Variants in GRIN3A observed in about 807,000 individuals in gnomAD.
GRIN3A encodes the protein glutamate receptor ionotropic, NMDA 3A.
GRIN3A carries 47 observed loss-of-function variants against 92.4 expected under a neutral mutation model. The ratio of observed to expected loss-of-function variants is 0.51; its 90% CI spans 0.40 to 0.65. GRIN3A has a LOEUF of 0.65. Among genes scored for constraint, GRIN3A ranks in the 30% least tolerant of loss-of-function variants. The pLI is 0.00. For missense variants in GRIN3A, 1,324 were observed against 1,393.1 expected (o/e 0.95, Z 0.79); for synonymous variants, 527 against 540.6 (o/e 0.97, Z 0.35).
At chr9:101,669,306 T>A (rs899253378) in intron 3 of GRIN3A, among the ~76,000 whole-genome samples, 3 of 152,134 alleles carry the variant, frequency 2.0e-5, no homozygotes, top group Non-Finnish European at 4.4e-5. Context: ...ATGGAATGGC[T>A]GTCCTTACCT....
At chr9:101,595,954 T>C (rs552089186) in intron 6 of GRIN3A, among the ~76,000 whole-genome samples, 1 of 152,236 alleles carries the variant, frequency 6.6e-6, no homozygotes, top group South Asian at 2.1e-4. Flanking sequence ...GTTCTTTCTG[T>C]TGAAGACTAA....
intron 3 of GRIN3A, among the ~76,000 whole-genome samples, chr9:101,660,491 A>T (rs1829158638): frequency 6.6e-6 from 1 of 151,768 alleles, no homozygotes; most frequent in Non-Finnish European, 1.5e-5. Context: ...CCAAATGGGG[A>T]GTTGCCATTT....
At chr9:101,718,313 G>A (rs187147390) in intron 1 of GRIN3A, among the ~76,000 whole-genome samples, 1 of 152,302 alleles carries the variant, frequency 6.6e-6, no homozygotes, top group East Asian at 1.9e-4. Context: ...GTCAATCATG[G>A]TAGGGAGAGA....
At chr9:101,712,421 C>A (rs770475687) in intron 1 of GRIN3A, among the ~76,000 whole-genome samples, 23 of 152,322 alleles carry the variant, frequency 1.5e-4, no homozygotes, top group Non-Finnish European at 2.8e-4. Flanking sequence ...CACTGTACTT[C>A]AGAGCTGCTT....
At position 101,686,933 on chromosome 9, in the gene GRIN3A, G is replaced by T; in HGVS notation, c.967C>A (p.Pro323Thr). The T allele has an allele frequency of 6.2e-7, 1 of 1,614,190 alleles. No individual in the cohort carries two copies. The highest frequency in any genetic ancestry group is 1.3e-5 in the African/African-American group (1 of 75,062). Residue 323 changes from proline to threonine, a missense_variant, in exon 2 of 9, where the codon CCC becomes ACC. Physicochemically the swap from Pro to Thr is conservative, Grantham distance 38. Coordinates refer to ENST00000361820, the MANE Select transcript of GRIN3A (RefSeq NM_133445.3). ...IQLESIKNST[P>T]TVVMFGCDME... ...TCGCAGCCAAACATCACCACTGTGGGTGTGCTGTTCTTAATACTCTCAAGC... is the reference window on the plus strand; with the variant it reads ...TCGCAGCCAAACATCACCACTGTGGTTGTGCTGTTCTTAATACTCTCAAGC...
intron 5 of GRIN3A, among the ~76,000 whole-genome samples, chr9:101,614,014 A>G (rs931563947): frequency 1.3e-5 from 2 of 152,218 alleles, no homozygotes; most frequent in Non-Finnish European, 1.5e-5. Context: ...AACCATGTGA[A>G]TAAACAATAC....
rs1050796868 is a variant in GRIN3A, at chr9:101,737,748, T to C, written c.232A>G (p.Arg78Gly). 7 of 1,529,354 alleles carry C rather than the reference T, an allele frequency of 4.6e-6. No homozygotes were observed. Among genetic ancestry groups the C allele is most frequent in the Non-Finnish European group, 6.1e-6 (7 of 1,144,010 alleles). The allele number at this position is 1,529,354 out of a possible 1,614,324, so 94.7% of individuals were successfully genotyped here. ...APDDSRAGAQ[R>G]DEPEPGTRRS... The stretch of plus-strand genomic sequence containing the variant: ...CTAGTCCCTGGCTCCGGCTCATCCC[T>C]CTGGGCTCCTGCTCGGCTGTCGTCC... The change falls in exon 1 of 9, where the codon AGG becomes GGG. Residue 78 changes from arginine (R) to glycine (G), a missense_variant. Arg to Gly is a moderately radical substitution (Grantham distance 125). Transcript: ENST00000361820.
intron 1 of GRIN3A, among the ~76,000 whole-genome samples, chr9:101,700,085 T>G (rs573224744): frequency 6.6e-6 from 1 of 152,140 alleles, no homozygotes; most frequent in Non-Finnish European, 1.5e-5. Context: ...ACTTATTACA[T>G]GTTATAGTCA....
chr9:101,590,493 T>C (rs1324191704), intron 6 of GRIN3A, among the ~76,000 whole-genome samples: 1 of 152,106 alleles, frequency 6.6e-6, no homozygotes, highest in East Asian at 1.9e-4. Context: ...GCAATTCTCC[T>C]GCCTCAGCCT....
At chr9:101,606,706 G>A (rs1304403963) in intron 6 of GRIN3A, among the ~76,000 whole-genome samples, 2 of 151,648 alleles carry the variant, frequency 1.3e-5, no homozygotes, top group Admixed American at 1.3e-4. Flanking sequence ...GGTAAAAAGT[G>A]CATTATTCAA....
chr9:101,684,118 CT>C (rs763931757), intron 2 of GRIN3A, among the ~76,000 whole-genome samples: 119 of 123,748 alleles, frequency 9.6e-4, no homozygotes, highest in Non-Finnish European at 1.1e-3. Flanking sequence ...TTCTTTCTTT[CT>C]TTTTTTTTTT....
At chr9:101,691,193 A>G (rs1483939051) in intron 1 of GRIN3A, among the ~76,000 whole-genome samples, 1 of 152,180 alleles carries the variant, frequency 6.6e-6, no homozygotes, top group Non-Finnish European at 1.5e-5. Flanking sequence ...CCTTTACTGA[A>G]CACTTATTCA....
intron 2 of GRIN3A, among the ~76,000 whole-genome samples, chr9:101,675,689 A>G (rs1829386901): frequency 1.3e-5 from 2 of 151,792 alleles, no homozygotes; most frequent in Admixed American, 6.6e-5. Flanking sequence ...TAATTTTAAA[A>G]GGTTTGAGCT....
At chr9:101,594,589 C>G in intron 6 of GRIN3A, 1 of 1,614,216 alleles carries the variant, frequency 6.2e-7, no homozygotes, top group Non-Finnish European at 8.5e-7. Flanking sequence ...CCTGGAAGAG[C>G]TCCCCGTTGG....
intron 1 of GRIN3A, among the ~76,000 whole-genome samples, chr9:101,715,138 A>G (rs186935045): frequency 1.9e-4 from 29 of 151,422 alleles, no homozygotes; most frequent in African/African-American, 6.5e-4. Context: ...GGAATGTATG[A>G]TAAGGAAATA....
chr9:101,588,776 CTATTT>C (rs1384201687), intron 6 of GRIN3A, among the ~76,000 whole-genome samples: 1 of 151,624 alleles, frequency 6.6e-6, no homozygotes, highest in Non-Finnish European at 1.5e-5. Context: ...TTCTAACAAA[CTATTT>C]TAATATTTCT....
chr9:101,719,591 C>A (rs557234200), intron 1 of GRIN3A, among the ~76,000 whole-genome samples: 116 of 152,112 alleles, frequency 7.6e-4, no homozygotes, highest in Non-Finnish European at 1.5e-3. Flanking sequence ...ACTTCCCCCT[C>A]TCATTCTGCA....
rs1237228826 is a variant in GRIN3A at position 101,628,398 on chromosome 9, G to A, written c.2356C>T (p.His786Tyr). 35 of 1,613,474 alleles carry A rather than the reference G, an allele frequency of 2.2e-5. No homozygotes were observed. Among genetic ancestry groups the A allele is most frequent in the Non-Finnish European group, 2.9e-5 (34 of 1,179,540 alleles). Residue 786 changes from histidine (H) to tyrosine (Y), a missense_variant, in exon 4 of 9, where the codon CAT becomes TAT. Physicochemically the swap from His to Tyr is moderately conservative, Grantham distance 83. Transcript: ENST00000361820. ...AAGCGGAATCCTTGGGAAGGATGAT[G>A]TAACTATGAGGGAGAAAAAGAAATG... ...ELSGIHDPKL[H>Y]HPSQGFRFGT... is the part of the protein sequence containing the mutation.
At position 101,737,303 on chromosome 9, in the gene GRIN3A, T is replaced by C. The variant is rs376812598; in HGVS notation, c.677A>G (p.His226Arg). Reference sequence around the variant, plus strand: ...CACCTGACTCTCCCGTGGAAACTCGTGGCGCACGATGCTGATCACTGGAAT... The same window carrying C: ...CACCTGACTCTCCCGTGGAAACTCGCGGCGCACGATGCTGATCACTGGAAT... ...LHIPVISIVR[H>R]EFPRESQNPL... The change falls in exon 1 of 9, where the codon CAC becomes CGC. Residue 226 changes from histidine (H) to arginine (R), a missense_variant. By Grantham distance (29) the His-to-Arg change is conservative. Transcript: ENST00000361820. 1.4e-4 allele frequency: 222 copies of C among 1,614,014 alleles called. No individual in the cohort carries two copies. Among genetic ancestry groups the C allele is most frequent in the Middle Eastern group, 3.3e-4 (2 of 6,084 alleles).
Sources: allele counts gnomAD v4.1 joint callset (sites outside exome capture counted in the v4.1 genomes callset), GRCh38; gene constraint gnomAD v4.1.1; transcripts MANE v1.5; gene names NCBI Gene and HGNC (gene_info 2026-07-23, HGNC 2026-07-21).